The following LDLRAP1 variants were observed in gnomAD, a reference collection of about 807,000 sequenced individuals.
The protein encoded by LDLRAP1 is low density lipoprotein receptor adaptor protein 1, also known as low density lipoprotein receptor adapter protein 1.
A neutral mutation model predicts 37.8 loss-of-function variants in LDLRAP1; 30 were observed. The ratio of observed to expected loss-of-function variants is 0.79; its 90% CI spans 0.59 to 1.08. The LOEUF is 1.08. Ranked by LOEUF, LDLRAP1 falls within the 50% of genes least tolerant of loss-of-function variation. The pLI is 0.00. For synonymous variants in LDLRAP1, 156 were observed against 169.8 expected, an observed-to-expected ratio of 0.92 and a Z score of 0.63; for missense variants, 375 against 401.6, an observed-to-expected ratio of 0.93 and a Z score of 0.57.
At chr1:25,583,390 G>A in the LDLRAP1 span, among the ~76,000 whole-genome samples, 31 of 151,706 alleles carry the variant, frequency 2.0e-4, no homozygotes, top group South Asian at 1.0e-3. Flanking sequence ...ATGGGGTTTC[G>A]CCATGTTGGC....
At chr1:25,548,107 T>C (rs1037189471) in intron 1 of LDLRAP1, among the ~76,000 whole-genome samples, 7 of 152,218 alleles carry the variant, frequency 4.6e-5, no homozygotes, top group African/African-American at 1.7e-4. Context: ...TTATGAGCCA[T>C]GGTCAAACTC....
At chr1:25,553,684 T>C (rs1347360137) in intron 1 of LDLRAP1, 1 of 512,476 alleles carries the variant, frequency 2.0e-6, no homozygotes, top group South Asian at 2.1e-5. Flanking sequence ...GGCAGGAGAA[T>C]CGCTTGAACC....
At chr1:25,586,380 C>T in the LDLRAP1 span, among the ~76,000 whole-genome samples, 2 of 152,136 alleles carry the variant, frequency 1.3e-5, no homozygotes, top group Non-Finnish European at 1.5e-5. The surrounding 1 kb of genome is among the most constrained non-coding windows in gnomAD (Gnocchi z 4.3). Context: ...GATTGTGCTG[C>T]GGCCGCATCT....
At chr1:25,583,727 C>T in the LDLRAP1 span, among the ~76,000 whole-genome samples, 6 of 152,044 alleles carry the variant, frequency 3.9e-5, no homozygotes, top group Non-Finnish European at 8.8e-5. Context: ...GTATGTTACA[C>T]CTTTTGTAGT....
intron 1 of LDLRAP1, among the ~76,000 whole-genome samples, chr1:25,552,278 C>T (rs559942234): frequency 7.9e-5 from 12 of 152,366 alleles, no homozygotes; most frequent in African/African-American, 2.4e-4. Flanking sequence ...CACATCCCTG[C>T]CAGAGCCTCA....
intron 4 of LDLRAP1, among the ~76,000 whole-genome samples, chr1:25,560,966 C>G (rs2044329075): frequency 6.6e-6 from 1 of 152,278 alleles, no homozygotes; most frequent in Non-Finnish European, 1.5e-5. Flanking sequence ...ACACATCCAC[C>G]TCTTGGGTTG....
At chr1:25,570,371 G>A (rs2044587667), downstream of LDLRAP1, among the ~76,000 whole-genome samples, 1 of 152,192 alleles carries the variant, frequency 6.6e-6, no homozygotes, top group African/African-American at 2.4e-5. Flanking sequence ...GATTTGACGT[G>A]ACTTTCAGCT....
At position 25,566,778 on chromosome 1, in the gene LDLRAP1, C is replaced by T; in HGVS notation, c.783-70C>T. ...TGCCCTGCTGTTCCCCACTGGTGCC[C>T]CCTCGCGTCTGACCCTGGGGCGCGC... On this transcript the variant is annotated intron_variant, in intron 8 of 8. Transcript: ENST00000374338. The T allele has an allele frequency of 2.6e-6, 4 of 1,555,404 alleles. No individual in the cohort carries two copies. In the South Asian group the frequency reaches 4.7e-5, roughly 18 times the overall value.
At chr1:25,577,181 T>A in the LDLRAP1 span, among the ~76,000 whole-genome samples, 2 of 152,202 alleles carry the variant, frequency 1.3e-5, no homozygotes, top group East Asian at 3.9e-4. Context: ...ATCAGCTCAT[T>A]ACATTTAATT....
chr1:25,569,145 C>T (rs137989303), downstream of LDLRAP1, among the ~76,000 whole-genome samples: 427 of 152,344 alleles, frequency 2.8e-3, 3 homozygotes, highest in Non-Finnish European at 4.7e-3. Context: ...TCGGCTGAAG[C>T]GTCTGAGAGC....
At chr1:25,573,838 A>G (rs2044637269), downstream of LDLRAP1, among the ~76,000 whole-genome samples, 1 of 152,268 alleles carries the variant, frequency 6.6e-6, no homozygotes, top group Middle Eastern at 3.4e-3. Context: ...TCATTCATCC[A>G]ATGCCCAGTG....
At chr1:25,547,525 T>G (rs1488689953) in intron 1 of LDLRAP1, among the ~76,000 whole-genome samples, 1 of 149,802 alleles carries the variant, frequency 6.7e-6, no homozygotes. Flanking sequence ...AATAAATAAA[T>G]AAAGCAAATT....
At chr1:25,565,986 C>T (rs2044468781) in intron 8 of LDLRAP1, among the ~76,000 whole-genome samples, 1 of 152,170 alleles carries the variant, frequency 6.6e-6, no homozygotes, top group Non-Finnish European at 1.5e-5. Context: ...TCCTTCTTGC[C>T]AGGGACTAGT....
At chr1:25,570,242 G>A (rs368607258), downstream of LDLRAP1, among the ~76,000 whole-genome samples, 53 of 152,234 alleles carry the variant, frequency 3.5e-4, no homozygotes, top group African/African-American at 1.2e-3. Flanking sequence ...TTTATCTTTC[G>A]GTTTAAATTT....
At chr1:25,558,842 T>C (rs1478818040) in intron 4 of LDLRAP1, among the ~76,000 whole-genome samples, 1 of 152,116 alleles carries the variant, frequency 6.6e-6, no homozygotes, top group African/African-American at 2.4e-5. Flanking sequence ...GATGTGGACA[T>C]CTTGGGGGCG....
the LDLRAP1 span, among the ~76,000 whole-genome samples, chr1:25,585,730 C>T: frequency 6.6e-6 from 1 of 152,182 alleles, no homozygotes; most frequent in Non-Finnish European, 1.5e-5. Flanking sequence ...GGCAGTCTGT[C>T]CTGCCCCTAC....
At position 25,543,622 on chromosome 1, in the gene LDLRAP1, G is replaced by A. The variant is rs1027938264; in HGVS notation, c.-77G>A. ...GGGAGGGGAGGAGCGCGCAGCCCGC[G>A]CGCCGCAGGGCCGGGCGGAAAGTTT... On this transcript the variant is annotated 5_prime_UTR_variant, in exon 1 of 9. Coordinates refer to ENST00000374338, the MANE Select transcript of LDLRAP1 (RefSeq NM_015627.3). 1.9e-6 allele frequency: 2 copies of A among 1,040,864 alleles called. No individual in the cohort carries two copies. Among genetic ancestry groups the A allele is most frequent in the Non-Finnish European group, 2.4e-6 (2 of 822,990 alleles). The allele number at this position is 1,040,864 out of a possible 1,614,324, so 64.5% of individuals were successfully genotyped here.
At chr1:25,553,027 T>C (rs1175464943) in intron 1 of LDLRAP1, among the ~76,000 whole-genome samples, 1 of 152,076 alleles carries the variant, frequency 6.6e-6, no homozygotes, top group Non-Finnish European at 1.5e-5. Context: ...GGAAATCGCC[T>C]TCTCCTCTCC....
intron 1 of LDLRAP1, among the ~76,000 whole-genome samples, chr1:25,546,677 G>A (rs993448329): frequency 6.6e-6 from 1 of 152,204 alleles, no homozygotes; most frequent in Non-Finnish European, 1.5e-5. Context: ...GAGAAGGGGT[G>A]AAGAAATAGG....
Sources: gnomAD v4.1 joint callset for allele counts (sites outside exome capture counted in the v4.1 genomes callset) on GRCh38, gnomAD v4.1.1 for gene constraint, Gnocchi (gnomAD v3.1) non-coding constraint, MANE v1.5 for transcripts, NCBI Gene and HGNC (gene_info 2026-07-23, HGNC 2026-07-21) for gene names.